Variants in ZDHHC7 observed in about 807,000 individuals in gnomAD.
The protein encoded by ZDHHC7 is palmitoyltransferase ZDHHC7.
ZDHHC7 carries 12 observed loss-of-function variants against 34.1 expected under a neutral mutation model. The observed-to-expected ratio is 0.35, with a 90% confidence interval of 0.23 to 0.57. The LOEUF (loss-of-function observed/expected upper bound fraction) is 0.57, where lower values mean the gene tolerates loss of function less well. Among genes scored for constraint, ZDHHC7 ranks in the 20% least tolerant of loss-of-function variants. The pLI, the probability that ZDHHC7 is intolerant of heterozygous loss-of-function variation, is 0.84. For synonymous variants in ZDHHC7, 185 were observed against 155.4 expected (o/e 1.19, Z -1.42); for missense variants, 388 against 402.7 (o/e 0.96, Z 0.31).
rs891040387 is a variant in ZDHHC7 at position 84,974,300 on chromosome 16, G to A, written c.*2043C>T. 6.6e-5 allele frequency: 10 copies of A among 152,118 alleles called. No individual in the cohort carries two copies. Among genetic ancestry groups the A allele is most frequent in the African/African-American group, 2.2e-4 (9 of 41,420 alleles). 9.4% of individuals were successfully genotyped at this position (152,118 alleles called of 1,614,324 possible). On this transcript the variant is annotated 3_prime_UTR_variant, in exon 8 of 8. Coordinates refer to ENST00000313732, the MANE Select transcript of ZDHHC7 (RefSeq NM_017740.3). ...TCACTGGGCAACATTTGTGAGTCGC[G>A]CTTGAGTGCCCAGGTCACTTGTCAT...
At chr16:85,007,553 A>T (rs1225943131) in intron 1 of ZDHHC7, among the ~76,000 whole-genome samples, 2 of 152,040 alleles carry the variant, frequency 1.3e-5, no homozygotes, top group Non-Finnish European at 2.9e-5. Flanking sequence ...CAAAAAGGCA[A>T]GAGATAGTAA....
intron 1 of ZDHHC7, among the ~76,000 whole-genome samples, chr16:84,996,341 G>A (rs974599311): frequency 1.3e-5 from 2 of 152,104 alleles, no homozygotes; most frequent in South Asian, 2.1e-4. Context: ...TTCTACCGTC[G>A]ATAAGCTGAT....
At chr16:84,999,009 C>A (rs2072620741) in intron 1 of ZDHHC7, among the ~76,000 whole-genome samples, 1 of 152,226 alleles carries the variant, frequency 6.6e-6, no homozygotes, top group Non-Finnish European at 1.5e-5. Flanking sequence ...CCCGCCTCAG[C>A]CTCCCAAAGT....
chr16:85,017,570 A>G, the ZDHHC7 span, among the ~76,000 whole-genome samples: 8 of 152,202 alleles, frequency 5.3e-5, no homozygotes, highest in Admixed American at 4.6e-4. Flanking sequence ...CATGAACAGA[A>G]TGAATAAATT....
intron 2 of ZDHHC7, among the ~76,000 whole-genome samples, chr16:84,994,865 T>A (rs766174769): frequency 5.6e-4 from 85 of 152,126 alleles, no homozygotes; most frequent in Non-Finnish European, 1.1e-3. Flanking sequence ...TATAGCAAAG[T>A]TAGGCTGGAC....
chr16:85,021,921 C>T, the ZDHHC7 span, among the ~76,000 whole-genome samples: 5 of 151,672 alleles, frequency 3.3e-5, no homozygotes, highest in Non-Finnish European at 7.4e-5. Flanking sequence ...CTTTGGGAGG[C>T]CGAGGCGGTT....
chr16:84,981,701 C>T (rs1420425511), intron 4 of ZDHHC7, among the ~76,000 whole-genome samples, 169 bp downstream of exon 4: 1 of 152,242 alleles, frequency 6.6e-6, no homozygotes, highest in Non-Finnish European at 1.5e-5. Flanking sequence ...GCCCTTTACT[C>T]AGCTCCCTAC....
upstream of ZDHHC7, among the ~76,000 whole-genome samples, chr16:85,012,844 T>G (rs2072812087): frequency 2.0e-5 from 3 of 151,184 alleles, no homozygotes; most frequent in East Asian, 1.9e-4. Context: ...GAGGCAGAGG[T>G]TGCAGTGGGC....
At chr16:84,989,003 G>C (rs760534717) in intron 3 of ZDHHC7, 12 of 899,458 alleles carry the variant, frequency 1.3e-5, no homozygotes, top group Non-Finnish European at 1.7e-5. Context: ...AGGAAGGAGA[G>C]GGCGGAGACA....
chr16:84,990,476 A>G lies in ZDHHC7; in HGVS notation c.143T>C (p.Met48Thr). Reference sequence around the variant, plus strand: ...AAGCCACGTCATGACAGCACAGATCATGCCGCAGCCGTCACGGATGAACCA... The same window carrying G: ...AAGCCACGTCATGACAGCACAGATCGTGCCGCAGCCGTCACGGATGAACCA... ...RVWFIRDGCG[M>T]ICAVMTWLLV... is the part of the protein sequence containing the mutation. Residue 48 changes from methionine to threonine, a missense_variant, in exon 3 of 8, where the codon ATG (methionine) becomes ACG (threonine). Coordinates refer to ENST00000313732, the MANE Select transcript of ZDHHC7 (RefSeq NM_017740.3). 3.1e-6 allele frequency: 5 copies of G among 1,613,900 alleles called. No homozygotes were observed. The highest frequency in any genetic ancestry group is 4.2e-6 in the Non-Finnish European group (5 of 1,179,786).
chr16:85,020,875 G>A, the ZDHHC7 span, among the ~76,000 whole-genome samples: 19 of 151,704 alleles, frequency 1.3e-4, no homozygotes, highest in South Asian at 3.8e-3. Context: ...GAGGCTGAGC[G>A]GGGAGGATTA....
At chr16:84,998,781 T>C (rs575576430) in intron 1 of ZDHHC7, among the ~76,000 whole-genome samples, 10 of 130,732 alleles carry the variant, frequency 7.6e-5, no homozygotes, top group African/African-American at 2.7e-4. Flanking sequence ...TGAGATGGAG[T>C]CTCACTCCTT....
At chr16:84,979,730 A>G (rs1009332335) in intron 4 of ZDHHC7, among the ~76,000 whole-genome samples, 16 of 152,132 alleles carry the variant, frequency 1.1e-4, no homozygotes, top group African/African-American at 3.6e-4. Context: ...TATGGATTGC[A>G]TATTCATCTT....
At chr16:85,010,324 C>T (rs1202562222) in intron 1 of ZDHHC7, among the ~76,000 whole-genome samples, 1 of 152,102 alleles carries the variant, frequency 6.6e-6, no homozygotes, top group East Asian at 1.9e-4. Flanking sequence ...CCACCGCGTG[C>T]GTACCAGGCC....
At chr16:85,006,049 G>C (rs373364591) in intron 1 of ZDHHC7, among the ~76,000 whole-genome samples, 19 of 152,112 alleles carry the variant, frequency 1.2e-4, no homozygotes, top group Non-Finnish European at 1.3e-4. Context: ...TCTCCACATG[G>C]CTGCAGGAAT....
chr16:85,025,256 G>A, the ZDHHC7 span, among the ~76,000 whole-genome samples: 1 of 151,442 alleles, frequency 6.6e-6, no homozygotes, highest in Non-Finnish European at 1.5e-5. Flanking sequence ...GGGTGACAGA[G>A]TGAGATGATT....
In ZDHHC7 at chr16:84,976,442, C is replaced by T; in HGVS notation, c.828G>A (p.Gly276=). 6.2e-7 allele frequency: 1 copy of T among 1,614,128 alleles called. No homozygotes were observed. The highest frequency in any genetic ancestry group is 8.5e-7 in the Non-Finnish European group (1 of 1,180,020). The change falls in exon 8 of 8, where the codon GGG becomes GGA. Residue 276 remains glycine, a synonymous_variant. Coordinates refer to ENST00000313732, the MANE Select transcript of ZDHHC7 (RefSeq NM_017740.3). ...TCATCCAGAGGAGTGAGGGGGGCCCCCCAAAGACGGACTTCATCCCTTCCC... is the reference window on the plus strand; with the variant it reads ...TCATCCAGAGGAGTGAGGGGGGCCCTCCAAAGACGGACTTCATCCCTTCCC... ...LRWEGMKSVF[G]GPPSLLWMNP...
At chr16:85,005,199 A>C (rs1286931244) in intron 1 of ZDHHC7, among the ~76,000 whole-genome samples, 1 of 152,238 alleles carries the variant, frequency 6.6e-6, no homozygotes, top group Non-Finnish European at 1.5e-5. Flanking sequence ...GGAAGAGCAG[A>C]GCCTCAATCA....
At chr16:85,024,380 C>T in the ZDHHC7 span, among the ~76,000 whole-genome samples, 3 of 151,364 alleles carry the variant, frequency 2.0e-5, no homozygotes, top group African/African-American at 4.9e-5. Flanking sequence ...TATAGGCACG[C>T]GCCACCATGC....
Sources: allele counts gnomAD v4.1 joint callset (sites outside exome capture counted in the v4.1 genomes callset), GRCh38; gene constraint gnomAD v4.1.1; transcripts MANE v1.5; gene names NCBI Gene and HGNC (gene_info 2026-07-23, HGNC 2026-07-21).